The following FAM171A1 variants were observed in gnomAD, a reference collection of about 807,000 sequenced individuals.
FAM171A1 encodes family with sequence similarity 171 member A1, also known as protein FAM171A1.
FAM171A1 carries 23 observed loss-of-function variants against 74.9 expected under a neutral mutation model. That is an observed-to-expected ratio of 0.31 (90% CI 0.22 to 0.44). The LOEUF (loss-of-function observed/expected upper bound fraction) is 0.44, where lower values mean the gene tolerates loss of function less well. FAM171A1 is among the 20% of genes least tolerant of loss of function. The pLI is 1.00. For synonymous variants in FAM171A1, 527 were observed against 505.7 expected, an observed-to-expected ratio of 1.04 and a Z score of -0.57; for missense variants, 1,162 against 1,159.2, an observed-to-expected ratio of 1.00 and a Z score of -0.03.
In FAM171A1 at chr10:15,224,565, T is replaced by A. The variant is rs531941462; in HGVS notation, c.755-3505A>T. Among the ~76,000 whole-genome samples, 218 of 152,254 alleles carry A rather than the reference T, an allele frequency of 1.4e-3. 2 individuals carry two copies. Among genetic ancestry groups the A allele is most frequent in the Non-Finnish European group, 2.4e-3 (163 of 68,008 alleles). The stretch of plus-strand genomic sequence containing the variant: ...CCTGTGTGTTGTGGGAGGCACCTGG[T>A]GGGAGATAACTGAATCATGGCGGCA... On this transcript the variant is annotated intron_variant, in intron 5 of 7. Coordinates refer to ENST00000378116, the MANE Select transcript of FAM171A1 (RefSeq NM_001010924.2).
chr10:15,213,527 G>T lies in FAM171A1; in HGVS notation c.2061C>A (p.Leu687=). The change falls in exon 8 of 8, where the codon CTC becomes CTA. Residue 687 remains leucine (L), a synonymous_variant. Transcript: ENST00000378116. This position sits in a 1 kb window ranked among gnomAD's most constrained non-coding sequence, Gnocchi z 6.8. ...GCTCCATCAGGGCCTTTTCAGTCAG[G>T]AGCTGCACCTCACTGTTCATCTGAG... ...ALAQMNSEVQ[L]LTEKALMELG... The T allele has an allele frequency of 6.2e-7, 1 of 1,614,138 alleles. No homozygotes were observed. Among genetic ancestry groups the T allele is most frequent in the Non-Finnish European group, 8.5e-7 (1 of 1,180,042 alleles).
intron 1 of FAM171A1, among the ~76,000 whole-genome samples, chr10:15,303,759 C>A (rs191382212): frequency 3.4e-3 from 513 of 152,266 alleles, no homozygotes; most frequent in African/African-American, 0.012. Flanking sequence ...ATATACTGTA[C>A]CAAATAATCA....
chr10:15,220,908 T>G, intron 6 of FAM171A1, 36 bp downstream of exon 6: 1 of 1,516,864 alleles, frequency 6.6e-7, no homozygotes, highest in East Asian at 2.3e-5. Context: ...CCAAAGCAAC[T>G]GATCCGCATC....
intron 1 of FAM171A1, among the ~76,000 whole-genome samples, chr10:15,345,364 A>G (rs1835806969): frequency 6.6e-6 from 1 of 152,212 alleles, no homozygotes. Flanking sequence ...CGTTCCATAA[A>G]TATTTTCTGA....
chr10:15,266,233 A>C (rs1834738440), intron 3 of FAM171A1, among the ~76,000 whole-genome samples: 1 of 152,138 alleles, frequency 6.6e-6, no homozygotes, highest in African/African-American at 2.4e-5. Context: ...CTGGGTTCTT[A>C]GTTCAATCCC....
chr10:15,215,511 G>T (rs545698229), intron 7 of FAM171A1, among the ~76,000 whole-genome samples: 1 of 151,952 alleles, frequency 6.6e-6, no homozygotes, highest in African/African-American at 2.4e-5. Context: ...GATTATAGGC[G>T]TGTGCCACCA....
At chr10:15,367,651 T>G (rs1324383576) in intron 1 of FAM171A1, among the ~76,000 whole-genome samples, 1 of 152,212 alleles carries the variant, frequency 6.6e-6, no homozygotes, top group Non-Finnish European at 1.5e-5. Context: ...AAGTTTGAGT[T>G]TGGCAAAGAA....
In FAM171A1 at chr10:15,213,527, G is replaced by C. The variant is rs375710195; in HGVS notation, c.2061C>G (p.Leu687=). 6.2e-7 allele frequency: 1 copy of C among 1,614,138 alleles called. No homozygotes were observed. The highest frequency in any genetic ancestry group is 8.5e-7 in the Non-Finnish European group (1 of 1,180,042). Residue 687 remains leucine (L), a synonymous_variant, in exon 8 of 8, where the codon CTC becomes CTG. Coordinates refer to ENST00000378116, the MANE Select transcript of FAM171A1 (RefSeq NM_001010924.2). This position sits in a 1 kb window ranked among gnomAD's most constrained non-coding sequence, Gnocchi z 6.8. ...GCTCCATCAGGGCCTTTTCAGTCAG[G>C]AGCTGCACCTCACTGTTCATCTGAG... is the stretch of plus-strand genomic sequence containing the variant. ...ALAQMNSEVQ[L]LTEKALMELG... is the part of the protein sequence containing the mutation.
chr10:15,266,925 G>A (rs1160744967), intron 3 of FAM171A1, among the ~76,000 whole-genome samples: 2 of 151,928 alleles, frequency 1.3e-5, no homozygotes, highest in Non-Finnish European at 2.9e-5. Flanking sequence ...CGGAGGCCAG[G>A]GAGTGTGAGT....
chr10:15,247,052 C>T (rs1434053703), intron 5 of FAM171A1, among the ~76,000 whole-genome samples: 5 of 152,144 alleles, frequency 3.3e-5, no homozygotes, highest in Non-Finnish European at 5.9e-5. Flanking sequence ...AAGGAAATAA[C>T]CAAGGCTGTG....
At chr10:15,373,586 G>A (rs1836173514), upstream of FAM171A1, among the ~76,000 whole-genome samples, 1 of 152,170 alleles carries the variant, frequency 6.6e-6, no homozygotes, top group Non-Finnish European at 1.5e-5. Context: ...ATACTATGGT[G>A]CCAATGTTCA....
chr10:15,313,205 T>C (rs1835384290), intron 1 of FAM171A1, among the ~76,000 whole-genome samples: 1 of 152,214 alleles, frequency 6.6e-6, no homozygotes, highest in South Asian at 2.1e-4. Context: ...ATTCCTACTC[T>C]GACCCACTGC....
At chr10:15,219,534 C>A (rs527548262) in intron 6 of FAM171A1, among the ~76,000 whole-genome samples, 1 of 152,288 alleles carries the variant, frequency 6.6e-6, no homozygotes, top group East Asian at 1.9e-4. Flanking sequence ...ACGTGTGGTT[C>A]ATGCTTATAT....
intron 1 of FAM171A1, among the ~76,000 whole-genome samples, chr10:15,315,188 C>T (rs963577866): frequency 5.9e-5 from 9 of 152,168 alleles, no homozygotes; most frequent in Non-Finnish European, 1.0e-4. Flanking sequence ...ACAACATTTC[C>T]GCCTGTCCTT....
chr10:15,282,081 T>G (rs1283872655), intron 2 of FAM171A1, among the ~76,000 whole-genome samples: 1 of 152,134 alleles, frequency 6.6e-6, no homozygotes, highest in Non-Finnish European at 1.5e-5. Flanking sequence ...GATTTTGCTA[T>G]TTACTTATTT....
intron 1 of FAM171A1, among the ~76,000 whole-genome samples, chr10:15,361,317 A>C (rs1189509403): frequency 6.6e-6 from 1 of 152,152 alleles, no homozygotes; most frequent in Non-Finnish European, 1.5e-5. Flanking sequence ...ACCACACTCA[A>C]ATAATGTCAG....
At chr10:15,360,019 C>T (rs1315324472) in intron 1 of FAM171A1, among the ~76,000 whole-genome samples, 1 of 152,202 alleles carries the variant, frequency 6.6e-6, no homozygotes, top group African/African-American at 2.4e-5. Flanking sequence ...ACTGCAGCTT[C>T]AACCTCCCAG....
intron 2 of FAM171A1, among the ~76,000 whole-genome samples, chr10:15,279,806 T>G (rs183124755): frequency 2.6e-4 from 39 of 152,252 alleles, no homozygotes; most frequent in African/African-American, 8.7e-4. Context: ...CAGTTCCAGC[T>G]ACTCGGGAGG....
chr10:15,328,203 G>T (rs1835581303), intron 1 of FAM171A1, among the ~76,000 whole-genome samples: 1 of 151,984 alleles, frequency 6.6e-6, no homozygotes, highest in Non-Finnish European at 1.5e-5. Flanking sequence ...GGAGTGCAAT[G>T]GTGCGATCTC....
Sources: allele counts gnomAD v4.1 joint callset (sites outside exome capture counted in the v4.1 genomes callset), GRCh38; gene constraint gnomAD v4.1.1; non-coding constraint Gnocchi (gnomAD v3.1); transcripts MANE v1.5; gene names NCBI Gene and HGNC (gene_info 2026-07-23, HGNC 2026-07-21).